MARCHF1: variants seen among roughly 807,000 people sequenced by gnomAD.
The protein encoded by MARCHF1 is membrane associated ring-CH-type finger 1.
MARCHF1 carries 40 observed loss-of-function variants against 54.2 expected under a neutral mutation model. The observed-to-expected ratio is 0.74, with a 90% CI of 0.57 to 0.96. The LOEUF is 0.96. Ranked by LOEUF, MARCHF1 falls within the 40% of genes least tolerant of loss-of-function variation. The probability of loss-of-function intolerance (pLI) is 0.00; values close to 1 mark genes in which losing one functional copy is unlikely to be tolerated. For missense variants in MARCHF1, 586 were observed against 656.5 expected, an observed-to-expected ratio of 0.89 and a Z score of 1.17; for synonymous variants, 236 against 236.3, an observed-to-expected ratio of 1.00 and a Z score of 0.01.
chr4:163,896,223 A>T (rs1301978466), intron 3 of MARCHF1, among the ~76,000 whole-genome samples: 1 of 152,174 alleles, frequency 6.6e-6, no homozygotes, highest in African/African-American at 2.4e-5. Context: ...TAATTATAAC[A>T]ACAATAATAG....
At chr4:164,202,795 G>T (rs1472512534) in intron 1 of MARCHF1, among the ~76,000 whole-genome samples, 1 of 152,110 alleles carries the variant, frequency 6.6e-6, no homozygotes, top group Non-Finnish European at 1.5e-5. Context: ...AAACATAAAA[G>T]CATCCTTCAA....
At chr4:163,797,286 AT>A (rs1057345086) in intron 4 of MARCHF1, among the ~76,000 whole-genome samples, 23 of 151,330 alleles carry the variant, frequency 1.5e-4, no homozygotes, top group Admixed American at 1.3e-3. Context: ...ACTTTTAAAG[AT>A]TTTTTTGTCT....
At chr4:164,190,666 T>A (rs1731100871) in intron 1 of MARCHF1, among the ~76,000 whole-genome samples, 1 of 152,198 alleles carries the variant, frequency 6.6e-6, no homozygotes, top group Admixed American at 6.5e-5. Flanking sequence ...TGCCAATAAA[T>A]GTTAGTTATT....
In MARCHF1 at chr4:163,938,040, T is replaced by A. The variant is rs1751838600; in HGVS notation, c.-39+50461A>T. ...AATCTTTTTTAAAAACAGGAGATGA[T>A]CTCTAAATTGCACTGGAATTAAGTT... On this transcript the variant is annotated intron_variant, in intron 3 of 9. Coordinates refer to ENST00000514618, the MANE Select transcript of MARCHF1 (RefSeq NM_001394959.1). 1.3e-5 allele frequency among the ~76,000 whole-genome samples: 2 copies of A among 152,090 alleles called. 1 individual carries two copies. The highest frequency in any genetic ancestry group is 2.9e-5 in the Non-Finnish European group (2 of 68,018).
chr4:163,572,693 T>A (rs577097489), intron 8 of MARCHF1, among the ~76,000 whole-genome samples: 18 of 152,282 alleles, frequency 1.2e-4, no homozygotes, highest in Middle Eastern at 3.4e-3. Flanking sequence ...TGTTGTGTTA[T>A]AGGTAAACCT....
At chr4:164,266,752 T>C (rs1383917285) in intron 1 of MARCHF1, among the ~76,000 whole-genome samples, 1 of 152,150 alleles carries the variant, frequency 6.6e-6, no homozygotes, top group African/African-American at 2.4e-5. Context: ...TTAAACAAAA[T>C]CTTGAGAATG....
At position 163,814,008 on chromosome 4, in the gene MARCHF1, A is replaced by G. The variant is rs532910806; in HGVS notation, c.111+40013T>C. Reference sequence around the variant, plus strand: ...GACAGAATCCAGGGCTCAGGTCATAAAACCCTCACAGCCTCTGGAATGTAT... The same window carrying G: ...GACAGAATCCAGGGCTCAGGTCATAGAACCCTCACAGCCTCTGGAATGTAT... On this transcript the variant is annotated intron_variant, in intron 4 of 9. Transcript: ENST00000514618. Among the ~76,000 whole-genome samples, 9 of 152,278 alleles carry G rather than the reference A, an allele frequency of 5.9e-5. No individual in the cohort carries two copies. The East Asian group carries it at 1.5e-3, about 26-fold the overall frequency.
intron 1 of MARCHF1, among the ~76,000 whole-genome samples, chr4:164,116,432 A>G (rs908246836): frequency 7.2e-5 from 11 of 152,096 alleles, no homozygotes; most frequent in Non-Finnish European, 1.2e-4. Context: ...ATTTGCATGT[A>G]TTTATGTGCA....
At chr4:163,632,235 G>A (rs1742114918) in intron 5 of MARCHF1, among the ~76,000 whole-genome samples, 1 of 152,114 alleles carries the variant, frequency 6.6e-6, no homozygotes, top group Non-Finnish European at 1.5e-5. Flanking sequence ...GAAATGTAGG[G>A]GGAGGAGCCA....
At chr4:163,823,427 A>G (rs1413660275) in intron 4 of MARCHF1, among the ~76,000 whole-genome samples, 1 of 151,838 alleles carries the variant, frequency 6.6e-6, no homozygotes, top group Non-Finnish European at 1.5e-5. Flanking sequence ...ATCAAATCTA[A>G]TCAACTCTAA....
At chr4:163,833,555 A>C (rs1354718138) in intron 4 of MARCHF1, among the ~76,000 whole-genome samples, 1 of 152,226 alleles carries the variant, frequency 6.6e-6, no homozygotes, top group Non-Finnish European at 1.5e-5. Flanking sequence ...AAAGTGGGTG[A>C]AGGATATGAA....
intron 1 of MARCHF1, among the ~76,000 whole-genome samples, chr4:164,167,985 C>A (rs1312565116): frequency 6.6e-6 from 1 of 151,884 alleles, no homozygotes; most frequent in Non-Finnish European, 1.5e-5. Context: ...AAAAGCCAAT[C>A]TAGGTACTCG....
chr4:163,728,935 T>C (rs1020187895), intron 4 of MARCHF1, among the ~76,000 whole-genome samples: 9 of 152,182 alleles, frequency 5.9e-5, no homozygotes, highest in South Asian at 2.1e-4. Context: ...TTTTATCCCA[T>C]TGAGGAAGTT....
intron 1 of MARCHF1, among the ~76,000 whole-genome samples, chr4:164,349,723 T>C (rs973625720): frequency 1.3e-5 from 2 of 152,072 alleles, no homozygotes; most frequent in African/African-American, 4.8e-5. Flanking sequence ...CAGTTACCTA[T>C]AAAAGAATGT....
intron 5 of MARCHF1, among the ~76,000 whole-genome samples, chr4:163,643,078 C>T (rs999330326): frequency 6.8e-6 from 1 of 147,926 alleles, no homozygotes; most frequent in Non-Finnish European, 1.5e-5. Context: ...TTTGGGAGGC[C>T]AAGGCAGGTG....
intron 8 of MARCHF1, chr4:163,555,791 G>A: frequency 2.8e-6 from 1 of 353,290 alleles, no homozygotes; most frequent in South Asian, 2.1e-5. Context: ...GGATGACACT[G>A]CCATTGATGA....
At position 164,016,930 on chromosome 4, in the gene MARCHF1, C is replaced by A. The variant is rs528410906; in HGVS notation, c.-247-28221G>T. ...ATCACATGTACCCTATAAATATGTA[C>A]AATAATTATGTATCCATTATAATTA... On this transcript the variant is annotated intron_variant, in intron 2 of 9. Transcript: ENST00000514618. Among the ~76,000 whole-genome samples the A allele has an allele frequency of 6.6e-5, 10 of 151,918 alleles. No homozygotes were observed. The East Asian group carries it at 1.9e-3, about 29-fold the overall frequency.
chr4:164,232,491 C>G (rs1032828906), intron 1 of MARCHF1, among the ~76,000 whole-genome samples: 2 of 151,940 alleles, frequency 1.3e-5, no homozygotes, highest in Non-Finnish European at 2.9e-5. Context: ...TAGCCAATAG[C>G]CAAAAATGCA....
chr4:163,776,794 T>C (rs1168670493), intron 4 of MARCHF1, among the ~76,000 whole-genome samples: 1 of 152,186 alleles, frequency 6.6e-6, no homozygotes. Context: ...GTATTATCAC[T>C]GCTGTAGAAA....
Sources: gnomAD v4.1 joint callset for allele counts (sites outside exome capture counted in the v4.1 genomes callset) on GRCh38, gnomAD v4.1.1 for gene constraint, MANE v1.5 for transcripts, NCBI Gene and HGNC (gene_info 2026-07-23, HGNC 2026-07-21) for gene names.